EP300: variants seen among roughly 807,000 people sequenced by gnomAD.
EP300 encodes the protein histone acetyltransferase p300.
Under a neutral mutation model 264.0 loss-of-function variants are expected in EP300, and 31 were observed. The observed-to-expected ratio is 0.12, with a 90% CI of 0.09 to 0.16. EP300 has a LOEUF of 0.16. Among genes scored for constraint, EP300 ranks in the 10% least tolerant of loss-of-function variants. The pLI is 1.00. For missense variants in EP300, 2,766 were observed against 3,052.9 expected, an observed-to-expected ratio of 0.91 and a Z score of 2.21; for synonymous variants, 1,340 against 1,045.4, an observed-to-expected ratio of 1.28 and a Z score of -5.44.
chr22:41,143,084 T>A (rs1422590711), intron 10 of EP300, among the ~76,000 whole-genome samples: 1 of 152,198 alleles, frequency 6.6e-6, no homozygotes, highest in African/African-American at 2.4e-5. Context: ...TATGTTGACC[T>A]TTAGCTCGTA....
At chr22:41,160,743 G>A in intron 20 of EP300, 21 bp downstream of exon 20, 1 of 1,605,306 alleles carries the variant, frequency 6.2e-7, no homozygotes, top group African/African-American at 1.3e-5. Flanking sequence ...GCATTATTTT[G>A]AAAAGTGCTA....
intron 1 of EP300, among the ~76,000 whole-genome samples, chr22:41,111,691 C>G (rs2058791362): frequency 6.6e-6 from 1 of 151,542 alleles, no homozygotes; most frequent in South Asian, 2.1e-4. Context: ...ACGGCCTGCA[C>G]CACCACGTAC....
chr22:41,124,242 C>T (rs115784711), intron 2 of EP300, among the ~76,000 whole-genome samples: 75 of 152,282 alleles, frequency 4.9e-4, no homozygotes, highest in African/African-American at 1.5e-3. Context: ...GAGACTTTGT[C>T]TCAAAAACAG....
chr22:41,114,840 A>G (rs559312545), intron 1 of EP300, among the ~76,000 whole-genome samples: 33 of 152,008 alleles, frequency 2.2e-4, no homozygotes, highest in African/African-American at 6.3e-4. Flanking sequence ...AAAAAACTAC[A>G]AGAAGAGGAA....
At position 41,164,070 on chromosome 22, in the gene EP300, A is replaced by G. The variant is rs2059122292; in HGVS notation, c.3746A>G (p.Glu1249Gly). The change falls in exon 22 of 31, where the codon GAG (glutamate) becomes GGG (glycine). Residue 1249 changes from glutamate to glycine, a missense_variant. Coordinates refer to ENST00000263253, the MANE Select transcript of EP300 (RefSeq NM_001429.4). ...LDPELFVECTECGRKMHQICV... is the reference protein window; with the variant it reads ...LDPELFVECTGCGRKMHQICV... ...TCTTCCAGGTTTGTTGAATGTACAGAGTGCGGAAGAAAGATGCATCAGATC... is the reference window on the plus strand; with the variant it reads ...TCTTCCAGGTTTGTTGAATGTACAGGGTGCGGAAGAAAGATGCATCAGATC... 1 of 1,614,064 alleles carries G rather than the reference A, an allele frequency of 6.2e-7. No individual in the cohort carries two copies. Among genetic ancestry groups the G allele is most frequent in the African/African-American group, 1.3e-5 (1 of 74,934 alleles).
At chr22:41,161,730 G>C (rs991930529) in intron 20 of EP300, among the ~76,000 whole-genome samples, 2 of 152,146 alleles carry the variant, frequency 1.3e-5, no homozygotes, top group African/African-American at 4.8e-5. Flanking sequence ...TAATATTATT[G>C]AAAGTTCATA....
intron 22 of EP300, among the ~76,000 whole-genome samples, chr22:41,164,933 G>A (rs2059126371): frequency 6.6e-6 from 1 of 152,164 alleles, no homozygotes; most frequent in South Asian, 2.1e-4. Flanking sequence ...GCGGGTATAT[G>A]GGACATCCAG....
intron 1 of EP300, among the ~76,000 whole-genome samples, chr22:41,094,752 G>A (rs1307597758): frequency 6.6e-6 from 1 of 152,016 alleles, no homozygotes; most frequent in Non-Finnish European, 1.5e-5. Context: ...TTTAGTTTTG[G>A]TGTAACGTGG....
chr22:41,109,806 C>G (rs557855901), intron 1 of EP300, among the ~76,000 whole-genome samples: 1 of 151,518 alleles, frequency 6.6e-6, no homozygotes, highest in Admixed American at 6.6e-5. Context: ...CATGCTCCCC[C>G]AAGCACCTCC....
At chr22:41,134,658 C>T (rs1322194932) in intron 6 of EP300, among the ~76,000 whole-genome samples, 1 of 151,960 alleles carries the variant, frequency 6.6e-6, no homozygotes, top group Non-Finnish European at 1.5e-5. Context: ...CCTCCCAAAG[C>T]AGTTTGTGTT....
intron 29 of EP300, among the ~76,000 whole-genome samples, chr22:41,175,595 A>C (rs766269639): frequency 6.6e-6 from 1 of 152,216 alleles, no homozygotes; most frequent in Non-Finnish European, 1.5e-5. Context: ...TTACACAGGA[A>C]AGTTGCATAG....
intron 12 of EP300, 118 bp downstream of exon 12, chr22:41,148,064 C>T: frequency 1.3e-6 from 1 of 762,184 alleles, no homozygotes; most frequent in Middle Eastern, 2.5e-4. Context: ...CCTAGTTCTT[C>T]TGTAATTCTT....
chr22:41,152,426 C>G (rs2145741429), intron 16 of EP300, 76 bp downstream of exon 16: 2 of 1,536,134 alleles, frequency 1.3e-6, no homozygotes, highest in Non-Finnish European at 1.8e-6. Context: ...GGTCATGCCT[C>G]TTGGGCCTCA....
intron 10 of EP300, among the ~76,000 whole-genome samples, chr22:41,143,770 T>C (rs1312461175): frequency 6.6e-6 from 1 of 152,084 alleles, no homozygotes; most frequent in Non-Finnish European, 1.5e-5. Context: ...AGAGACAGGG[T>C]TTCACACCAT....
In EP300 at chr22:41,178,330, A is replaced by T; in HGVS notation, c.6619A>T (p.Asn2207Tyr). 2 of 1,614,154 alleles carry T rather than the reference A, an allele frequency of 1.2e-6. No homozygotes were observed. Among genetic ancestry groups the T allele is most frequent in the South Asian group, 1.1e-5 (1 of 91,084 alleles). ...AGPGIGPGMA[N>Y]HNQFQQPQGV... Reference sequence around the variant, plus strand: ...GCCAGGAATAGGCCCTGGAATGGCCAACCATAACCAGTTCCAGCAACCCCA... The same window carrying T: ...GCCAGGAATAGGCCCTGGAATGGCCTACCATAACCAGTTCCAGCAACCCCA... Residue 2207 changes from asparagine to tyrosine, a missense_variant, in exon 31 of 31, where the codon AAC (asparagine) becomes TAC (tyrosine). Transcript: ENST00000263253.
At chr22:41,168,300 AAGT>A in intron 23 of EP300, 146 bp from the exon 24 acceptor site, 1 of 820,358 alleles carries the variant, frequency 1.2e-6, no homozygotes, top group Non-Finnish European at 2.0e-6. Context: ...TAAATCTGCA[AAGT>A]AGTGACTACT....
intron 6 of EP300, among the ~76,000 whole-genome samples, chr22:41,132,409 T>G (rs536360389): frequency 9.5e-5 from 14 of 147,184 alleles, no homozygotes; most frequent in Middle Eastern, 3.5e-3. Flanking sequence ...TGCCTTAGCC[T>G]CCTGAGTAGC....
At chr22:41,132,514 C>A (rs904605897) in intron 6 of EP300, among the ~76,000 whole-genome samples, 2 of 152,026 alleles carry the variant, frequency 1.3e-5, no homozygotes, top group African/African-American at 4.8e-5. Context: ...ATCTCAATCT[C>A]TTGACCTCGT....
chr22:41,102,009 C>G (rs925112790), intron 1 of EP300, among the ~76,000 whole-genome samples: 2 of 147,802 alleles, frequency 1.4e-5, no homozygotes, highest in Non-Finnish European at 3.0e-5. Context: ...CTCATATTTT[C>G]TGTTGCTTTT....
Sources: gnomAD v4.1 joint callset for allele counts (sites outside exome capture counted in the v4.1 genomes callset) on GRCh38, gnomAD v4.1.1 for gene constraint, MANE v1.5 for transcripts, NCBI Gene and HGNC (gene_info 2026-07-23, HGNC 2026-07-21) for gene names.